CSMD1: variants seen among roughly 807,000 people sequenced by gnomAD.
The protein encoded by CSMD1 is CUB and sushi domain-containing protein 1.
In CSMD1, 213 loss-of-function variants were observed where a neutral mutation model predicts 417.5. The ratio of observed to expected loss-of-function variants is 0.51; its 90% CI spans 0.46 to 0.57. The LOEUF (loss-of-function observed/expected upper bound fraction) is 0.57. Ranked by LOEUF, CSMD1 falls within the 20% of genes least tolerant of loss-of-function variation. The pLI is 0.00. For synonymous variants in CSMD1, 2,862 were observed against 1,736.8 expected, an observed-to-expected ratio of 1.65 and a Z score of -16.11; for missense variants, 6,923 against 4,529.7, an observed-to-expected ratio of 1.53 and a Z score of -15.17.
At chr8:3,897,286 A>T (rs550706082) in intron 5 of CSMD1, among the ~76,000 whole-genome samples, 1 of 152,168 alleles carries the variant, frequency 6.6e-6, no homozygotes, top group Non-Finnish European at 1.5e-5. Flanking sequence ...TTAATTATCT[A>T]CACTTAAGAG....
At chr8:4,678,916 G>C (rs749641721) in intron 1 of CSMD1, among the ~76,000 whole-genome samples, 21 of 152,130 alleles carry the variant, frequency 1.4e-4, no homozygotes, top group Admixed American at 1.3e-4. Flanking sequence ...CAAACAAATA[G>C]ATTGTACTTA....
intron 41 of CSMD1, chr8:3,128,886 T>A (rs1457593727): frequency 2.2e-6 from 1 of 455,536 alleles, no homozygotes; most frequent in South Asian, 1.6e-5. Flanking sequence ...GCAGGACCAA[T>A]GTTTCCAGAT....
chr8:4,803,809 G>C (rs1798439634), intron 1 of CSMD1, among the ~76,000 whole-genome samples: 1 of 152,012 alleles, frequency 6.6e-6, no homozygotes, highest in Admixed American at 6.6e-5. Context: ...CTCTACATTT[G>C]AGCTCATAGA....
intron 3 of CSMD1, among the ~76,000 whole-genome samples, chr8:4,285,527 G>T (rs10113352): frequency 6.6e-6 from 1 of 151,988 alleles, no homozygotes; most frequent in African/African-American, 2.4e-5. Context: ...TCTTGTTTTC[G>T]GATATCAGGG....
intron 3 of CSMD1, among the ~76,000 whole-genome samples, chr8:4,338,263 G>A (rs1800285129): frequency 6.6e-6 from 1 of 152,140 alleles, no homozygotes. Flanking sequence ...ATATTCCATA[G>A]TTGAGTAAGT....
chr8:4,113,062 A>G (rs999278064), intron 3 of CSMD1, among the ~76,000 whole-genome samples: 4 of 152,170 alleles, frequency 2.6e-5, no homozygotes, highest in African/African-American at 9.7e-5. Context: ...GGGATGCCAC[A>G]AACACCCCCA....
intron 5 of CSMD1, among the ~76,000 whole-genome samples, chr8:3,939,280 C>T (rs1810714098): frequency 6.6e-6 from 1 of 152,046 alleles, no homozygotes; most frequent in African/African-American, 2.4e-5. Flanking sequence ...CATTAATTAT[C>T]AGAGAAATGC....
At chr8:3,655,672 T>G (rs1288699841) in intron 7 of CSMD1, among the ~76,000 whole-genome samples, 12 of 151,452 alleles carry the variant, frequency 7.9e-5, no homozygotes, top group Middle Eastern at 3.4e-3. Context: ...TTTTTTTTTT[T>G]TTTTTTTTTA....
intron 4 of CSMD1, among the ~76,000 whole-genome samples, chr8:4,021,465 G>C (rs1016925366): frequency 1.3e-5 from 2 of 152,154 alleles, no homozygotes; most frequent in African/African-American, 4.8e-5. Context: ...GCTTTTGTTG[G>C]TTAAGCGTGT....
At chr8:4,577,190 T>C (rs1054136050) in intron 2 of CSMD1, among the ~76,000 whole-genome samples, 1 of 152,072 alleles carries the variant, frequency 6.6e-6, no homozygotes, top group African/African-American at 2.4e-5. Context: ...TGAAGCGAGA[T>C]TTTCTTTTGA....
chr8:3,690,334 T>C (rs79813126), intron 7 of CSMD1, among the ~76,000 whole-genome samples: 13,543 of 152,296 alleles, frequency 0.089, 698 homozygotes, highest in East Asian at 0.25. Flanking sequence ...GCAGCCTGGG[T>C]GACAGAACGA....
At chr8:3,853,855 AACTTAATATATTAT>A (rs1804093055) in intron 5 of CSMD1, among the ~76,000 whole-genome samples, 1 of 148,408 alleles carries the variant, frequency 6.7e-6, no homozygotes, top group African/African-American at 2.5e-5. Context: ...TGTACCCTAA[AACTTAATATATTAT>A]ACTTTAATAT....
intron 10 of CSMD1, among the ~76,000 whole-genome samples, chr8:3,543,538 A>T (rs780519348): frequency 6.1e-4 from 93 of 152,244 alleles, no homozygotes; most frequent in Non-Finnish European, 1.2e-3. Flanking sequence ...CCCCAACATG[A>T]TGGAAAATGA....
intron 4 of CSMD1, among the ~76,000 whole-genome samples, chr8:4,012,423 T>C (rs1816616485): frequency 6.6e-6 from 1 of 152,156 alleles, no homozygotes; most frequent in Non-Finnish European, 1.5e-5. Flanking sequence ...TATTTTTATG[T>C]TTTATTCTTA....
chr8:2,988,034 C>A (rs1806074878), intron 54 of CSMD1, among the ~76,000 whole-genome samples: 2 of 152,144 alleles, frequency 1.3e-5, no homozygotes, highest in African/African-American at 2.4e-5. Flanking sequence ...TTCCTAAAAC[C>A]TATTTTCCCC....
intron 2 of CSMD1, among the ~76,000 whole-genome samples, chr8:4,550,531 C>G (rs1797824093): frequency 6.6e-6 from 1 of 152,050 alleles, no homozygotes; most frequent in Non-Finnish European, 1.5e-5. Context: ...CCAAAAACTC[C>G]TATTTTTGCA....
chr8:3,556,656 G>A (rs945648210), intron 10 of CSMD1, among the ~76,000 whole-genome samples: 3 of 151,642 alleles, frequency 2.0e-5, no homozygotes, highest in Non-Finnish European at 2.9e-5. Context: ...ACCTGTTAAC[G>A]AGGATAATGG....
intron 20 of CSMD1, among the ~76,000 whole-genome samples, chr8:3,362,037 G>T (rs13268772): frequency 0.65 from 99,531 of 151,968 alleles, 32,622 homozygotes; most frequent in Admixed American, 0.73. Context: ...TCTCACCAAC[G>T]CAAAGATTTT....
At chr8:4,381,358 C>T (rs1197102326) in intron 3 of CSMD1, among the ~76,000 whole-genome samples, 1 of 152,068 alleles carries the variant, frequency 6.6e-6, no homozygotes, top group African/African-American at 2.4e-5. Context: ...CATCTGGTGA[C>T]CCTATGACCC....
Sources: allele counts gnomAD v4.1 joint callset (sites outside exome capture counted in the v4.1 genomes callset), GRCh38; gene constraint gnomAD v4.1.1; transcripts MANE v1.5; gene names NCBI Gene and HGNC (gene_info 2026-07-23, HGNC 2026-07-21).